Variants in MORN4 observed in about 807,000 individuals in gnomAD.
MORN4 encodes MORN repeat-containing protein 4.
Under a neutral mutation model 16.4 loss-of-function variants are expected in MORN4, and 8 were observed. The ratio of observed to expected loss-of-function variants is 0.49; its 90% CI spans 0.29 to 0.88. The LOEUF is 0.88. Among genes scored for constraint, MORN4 ranks in the 40% least tolerant of loss-of-function variants. The pLI is 0.09. For missense variants in MORN4, 159 were observed against 182.9 expected, an observed-to-expected ratio of 0.87 and a Z score of 0.75; for synonymous variants, 53 against 68.9, an observed-to-expected ratio of 0.77 and a Z score of 1.14.
intron 1 of MORN4, among the ~76,000 whole-genome samples, chr10:97,628,369 A>C (rs911717273): frequency 2.4e-4 from 37 of 152,122 alleles, no homozygotes; most frequent in African/African-American, 8.0e-4. Flanking sequence ...CCTTGTATTT[A>C]TTTACTTTTT....
At chr10:97,621,956 G>A (rs1390176944) in intron 1 of MORN4, among the ~76,000 whole-genome samples, 1 of 152,186 alleles carries the variant, frequency 6.6e-6, no homozygotes, top group Non-Finnish European at 1.5e-5. Flanking sequence ...TGTTCGCAAA[G>A]GTGATCTAGC....
At chr10:97,620,613 AT>A (rs1321841286) in intron 1 of MORN4, among the ~76,000 whole-genome samples, 1 of 151,956 alleles carries the variant, frequency 6.6e-6, no homozygotes, top group Non-Finnish European at 1.5e-5. Context: ...GCCTGGTCTC[AT>A]TACAGTTGAG....
At chr10:97,631,204 T>C in intron 1 of MORN4, among the ~76,000 whole-genome samples, 1 of 152,164 alleles carries the variant, frequency 6.6e-6, no homozygotes, top group East Asian at 1.9e-4. Context: ...ATCCAAATCA[T>C]ATTTTTAAAG....
chr10:97,623,911 AT>A lies in MORN4; in HGVS notation c.-30-4229del, dbSNP rs376398516. 4.5e-3 allele frequency among the ~76,000 whole-genome samples: 685 copies of A among 151,802 alleles called. 8 individuals carry two copies. The highest frequency in any genetic ancestry group is 0.014 in the African/African-American group (588 of 41,370). On this transcript the variant is annotated intron_variant, in intron 1 of 4. Transcript: ENST00000307450. ...CCACGACGCCCCACTAACTTTTTGT[AT>A]TTTTTAGTAGAGATGGAGTTTCACC... is the stretch of plus-strand genomic sequence containing the variant.
chr10:97,629,970 G>C (rs2041381619), intron 1 of MORN4, among the ~76,000 whole-genome samples: 1 of 145,662 alleles, frequency 6.9e-6, no homozygotes, highest in Non-Finnish European at 1.5e-5. Context: ...TGTCTCCCAG[G>C]CTGGAGTTCA....
At chr10:97,620,508 G>GA (rs796870489) in intron 1 of MORN4, among the ~76,000 whole-genome samples, 14 of 88,318 alleles carry the variant, frequency 1.6e-4, no homozygotes, top group Non-Finnish European at 1.5e-4. Flanking sequence ...AAAAAAAAAA[G>GA]AAAAAAAAAA....
chr10:97,629,170 C>T (rs993230234), intron 1 of MORN4, among the ~76,000 whole-genome samples: 1 of 151,998 alleles, frequency 6.6e-6, no homozygotes, highest in Non-Finnish European at 1.5e-5. Flanking sequence ...GACGGATCAC[C>T]TGAGGTCGGA....
chr10:97,633,231 C>A lies in MORN4; in HGVS notation c.-31+116G>T. On this transcript the variant is annotated intron_variant, in intron 1 of 4. Coordinates refer to ENST00000307450, the MANE Select transcript of MORN4 (RefSeq NM_178832.4). The surrounding 1 kb of genome is among the most constrained non-coding windows in gnomAD (Gnocchi z 4.5). ...CCACAGGCAACCGCCCTCAGGTCAG[C>A]GTATCCGAGGTGGAGCCGCGCCCCC... 1 of 1,175,976 alleles carries A rather than the reference C, an allele frequency of 8.5e-7. No individual in the cohort carries two copies. The highest frequency in any genetic ancestry group is 1.4e-5 in the South Asian group (1 of 70,142). 72.8% of individuals were successfully genotyped at this position (1,175,976 alleles called of 1,614,324 possible).
At chr10:97,631,605 A>G (rs1214683812) in intron 1 of MORN4, among the ~76,000 whole-genome samples, 1 of 151,994 alleles carries the variant, frequency 6.6e-6, no homozygotes, top group Non-Finnish European at 1.5e-5. Flanking sequence ...AACTGTGTCC[A>G]ATTTAAGAGG....
chr10:97,616,819 G>A (rs765473434), intron 3 of MORN4, 32 bp from the exon 4 acceptor site: 6 of 1,490,618 alleles, frequency 4.0e-6, no homozygotes, highest in Non-Finnish European at 5.6e-6. Context: ...AGCCTTCAGT[G>A]GAAAGTTAGC....
chr10:97,619,853 T>C (rs1384153660), intron 1 of MORN4, among the ~76,000 whole-genome samples, 170 bp from the exon 2 acceptor site: 1 of 152,094 alleles, frequency 6.6e-6, no homozygotes, highest in Non-Finnish European at 1.5e-5. Flanking sequence ...CACCATCATC[T>C]CCACCTCTGC....
chr10:97,620,362 C>T (rs2041277806), intron 1 of MORN4, among the ~76,000 whole-genome samples: 1 of 151,430 alleles, frequency 6.6e-6, no homozygotes, highest in South Asian at 2.1e-4. Flanking sequence ...GTGGCAGGAG[C>T]CTGTAATCCT....
chr10:97,629,181 A>T lies in MORN4; in HGVS notation c.-31+4166T>A, dbSNP rs573927973. Among the ~76,000 whole-genome samples, 159 of 152,160 alleles carry T rather than the reference A, an allele frequency of 1.0e-3. 3 individuals carry two copies. In the South Asian group the frequency reaches 0.03, roughly 28 times the overall value. ...GGCGGACGGATCACCTGAGGTCGGA[A>T]GTTCAAGACCAGCCTGACCAACATG... On this transcript the variant is annotated intron_variant, in intron 1 of 4. Transcript: ENST00000307450.
At chr10:97,624,733 G>C (rs781438461) in intron 1 of MORN4, among the ~76,000 whole-genome samples, 1 of 152,008 alleles carries the variant, frequency 6.6e-6, no homozygotes, top group African/African-American at 2.4e-5. Context: ...TTTTGTTTTT[G>C]AGACGGAGTT....
At chr10:97,623,391 G>A (rs1333823439) in intron 1 of MORN4, among the ~76,000 whole-genome samples, 4 of 152,112 alleles carry the variant, frequency 2.6e-5, no homozygotes, top group African/African-American at 9.7e-5. Flanking sequence ...GCTGCAGTAA[G>A]TCATGACAGT....
chr10:97,617,521 C>T (rs900938687), intron 2 of MORN4, among the ~76,000 whole-genome samples, 199 bp from the exon 3 acceptor site: 1 of 152,178 alleles, frequency 6.6e-6, no homozygotes, highest in African/African-American at 2.4e-5. Context: ...CATCTTATCA[C>T]TACAGATTAA....
rs778284697 is a variant in MORN4, at chr10:97,616,764, C to G, written c.206G>C (p.Gly69Ala). ...GAAGACTCCGACGCCATTAAACTTG[C>G]CCTGGGCAAACTCCCCCTCATACCT... is the stretch of plus-strand genomic sequence containing the variant. ...GSRYEGEFAQ[G>A]KFNGVGVFIR... The change falls in exon 4 of 5, where the codon GGC becomes GCC. Residue 69 changes from glycine (G) to alanine (A), a missense_variant. By Grantham distance (60) the Gly-to-Ala change is moderately conservative. Coordinates refer to ENST00000307450, the MANE Select transcript of MORN4 (RefSeq NM_178832.4). 1.2e-6 allele frequency: 2 copies of G among 1,613,990 alleles called. No individual in the cohort carries two copies. The highest frequency in any genetic ancestry group is 1.3e-5 in the African/African-American group (1 of 75,040).
intron 1 of MORN4, among the ~76,000 whole-genome samples, chr10:97,627,663 T>C (rs56215227): frequency 0.01 from 1,582 of 152,340 alleles, 11 homozygotes; most frequent in South Asian, 0.019. Context: ...GAGACTCTTC[T>C]AGAGATATTT....
At position 97,626,782 on chromosome 10, in the gene MORN4, A is replaced by C. The variant is rs541885369; in HGVS notation, c.-31+6565T>G. 9.3e-3 allele frequency among the ~76,000 whole-genome samples: 926 copies of C among 99,096 alleles called. 7 individuals carry two copies. Among genetic ancestry groups the C allele is most frequent in the Middle Eastern group, 0.02 (2 of 98 alleles). The allele number at this position is 99,096 out of a possible 152,430, so 65.0% of individuals were successfully genotyped here. A position where few individuals can be genotyped will look rare whatever the true frequency, so the allele number is the denominator to read the frequency against. ...TTTTTTTTTTTTTTTTTTTAGACAG[A>C]GTTTCATTCCTGTGGCCCAGGCTGG... On this transcript the variant is annotated intron_variant, in intron 1 of 4. Coordinates refer to ENST00000307450, the MANE Select transcript of MORN4 (RefSeq NM_178832.4).
Sources: allele counts gnomAD v4.1 joint callset (sites outside exome capture counted in the v4.1 genomes callset), GRCh38; gene constraint gnomAD v4.1.1; non-coding constraint Gnocchi (gnomAD v3.1); transcripts MANE v1.5; gene names NCBI Gene and HGNC (gene_info 2026-07-23, HGNC 2026-07-21).